The following EHBP1 variants were observed in gnomAD, a reference collection of about 807,000 sequenced individuals.
EHBP1 encodes EH domain-binding protein 1.
A neutral mutation model predicts 144.0 loss-of-function variants in EHBP1; 55 were observed. The ratio of observed to expected loss-of-function variants is 0.38; its 90% CI spans 0.31 to 0.48. EHBP1 has a LOEUF of 0.48. EHBP1 is among the 20% of genes least tolerant of loss of function. EHBP1 has a pLI of 0.98. For synonymous variants in EHBP1, 469 were observed against 472.7 expected (o/e 0.99, Z 0.10); for missense variants, 1,200 against 1,364.2 (o/e 0.88, Z 1.90).
At chr2:62,724,549 G>A (rs1174495526) in intron 2 of EHBP1, among the ~76,000 whole-genome samples, 1 of 152,154 alleles carries the variant, frequency 6.6e-6, no homozygotes, top group Non-Finnish European at 1.5e-5. Context: ...AGGCACTTTG[G>A]CTTTTTGAAT....
intron 1 of EHBP1, among the ~76,000 whole-genome samples, chr2:62,685,187 CA>C (rs1281900087): frequency 6.6e-6 from 1 of 151,868 alleles, no homozygotes; most frequent in South Asian, 2.1e-4. Context: ...TCTGTCATCA[CA>C]AAAAAGATAA....
chr2:62,819,649 A>G (rs1256480099), intron 5 of EHBP1, among the ~76,000 whole-genome samples: 2 of 151,874 alleles, frequency 1.3e-5, no homozygotes, highest in African/African-American at 4.8e-5. Flanking sequence ...CTGTAATCCC[A>G]GCTACTTGGG....
chr2:62,752,189 T>G (rs1323557444), intron 3 of EHBP1, among the ~76,000 whole-genome samples: 2 of 152,212 alleles, frequency 1.3e-5, no homozygotes, highest in Non-Finnish European at 2.9e-5. Flanking sequence ...TATGTGTTTG[T>G]TCTCATTGGT....
At chr2:62,708,077 C>T (rs186009159) in intron 2 of EHBP1, among the ~76,000 whole-genome samples, 197 of 152,182 alleles carry the variant, frequency 1.3e-3, no homozygotes, top group African/African-American at 4.7e-3. Context: ...AGTGATTAAG[C>T]AGTAATGGAC....
chr2:62,933,847 T>C (rs1353020428), intron 10 of EHBP1, among the ~76,000 whole-genome samples: 1 of 152,224 alleles, frequency 6.6e-6, no homozygotes, highest in African/African-American at 2.4e-5. Context: ...ATAAATGGAA[T>C]CATATGATAT....
chr2:62,820,170 C>T (rs1391830613), intron 5 of EHBP1, among the ~76,000 whole-genome samples: 1 of 136,684 alleles, frequency 7.3e-6, no homozygotes, highest in Non-Finnish European at 1.5e-5. Context: ...GAGATCGTGC[C>T]AATGCGCTCT....
At chr2:62,860,114 A>C (rs573941514) in intron 8 of EHBP1, among the ~76,000 whole-genome samples, 3 of 152,262 alleles carry the variant, frequency 2.0e-5, no homozygotes, top group African/African-American at 7.2e-5. Context: ...ACCAGACTCT[A>C]AATTATTAAT....
At chr2:63,040,204 C>T (rs571928534) in intron 21 of EHBP1, among the ~76,000 whole-genome samples, 1 of 150,690 alleles carries the variant, frequency 6.6e-6, no homozygotes, top group Non-Finnish European at 1.5e-5. Flanking sequence ...ACATATAACT[C>T]ATCATACAGT....
chr2:63,018,021 G>T (rs1265597407), intron 19 of EHBP1, among the ~76,000 whole-genome samples: 2 of 152,052 alleles, frequency 1.3e-5, no homozygotes, highest in South Asian at 2.1e-4. Context: ...AAATTTAGCT[G>T]GTTGTGGTGG....
At chr2:63,034,517 T>C (rs2061383090) in intron 19 of EHBP1, among the ~76,000 whole-genome samples, 1 of 152,042 alleles carries the variant, frequency 6.6e-6, no homozygotes, top group African/African-American at 2.4e-5. Flanking sequence ...ATAATGACAG[T>C]CTTCATTTTA....
intron 10 of EHBP1, among the ~76,000 whole-genome samples, chr2:62,875,566 G>C (rs1183222775): frequency 1.3e-5 from 2 of 152,118 alleles, no homozygotes; most frequent in African/African-American, 4.8e-5. Context: ...AAGAACAATG[G>C]CAACTCAAAA....
intron 3 of EHBP1, among the ~76,000 whole-genome samples, chr2:62,754,248 TGGAGGTCCACTCCA>T (rs1474958251): frequency 3.9e-5 from 6 of 152,220 alleles, no homozygotes; most frequent in Non-Finnish European, 8.8e-5. Flanking sequence ...TGGAGTTTGC[TGGAGGTCCACTCCA>T]GACCCTGTTG....
At chr2:62,741,366 G>A (rs1362043257) in intron 2 of EHBP1, among the ~76,000 whole-genome samples, 14 of 152,050 alleles carry the variant, frequency 9.2e-5, no homozygotes, top group Non-Finnish European at 2.1e-4. Flanking sequence ...CTGATAGTCA[G>A]TTTACTGTTC....
intron 14 of EHBP1, among the ~76,000 whole-genome samples, chr2:62,961,487 AT>A (rs1463281410): frequency 1.3e-5 from 2 of 152,144 alleles, no homozygotes; most frequent in African/African-American, 2.4e-5. Context: ...CAAAGGTTGA[AT>A]TTTACTAATG....
At chr2:62,903,582 G>A (rs550355932) in intron 10 of EHBP1, among the ~76,000 whole-genome samples, 2 of 152,260 alleles carry the variant, frequency 1.3e-5, no homozygotes, top group East Asian at 3.9e-4. Flanking sequence ...GGGCAACATA[G>A]TTAGACCCTG....
At chr2:62,719,996 A>G (rs1009559999) in intron 2 of EHBP1, among the ~76,000 whole-genome samples, 7 of 152,178 alleles carry the variant, frequency 4.6e-5, no homozygotes, top group Non-Finnish European at 7.3e-5. Flanking sequence ...GGCAGTTGCT[A>G]TGACAAAAAG....
Position 62,758,694 on chromosome 2 carries a change from A to C in EHBP1, c.163-5572A>C, listed in dbSNP as rs1015800754. ...CACAGAGAGGTTGGAGAATTCCAAA[A>C]AGAAACCATAACTTTAAAATCCTCA... On this transcript the variant is annotated intron_variant, in intron 3 of 22. Coordinates refer to ENST00000431489, the MANE Select transcript of EHBP1 (RefSeq NM_001142616.3). Among the ~76,000 whole-genome samples, 11 of 152,308 alleles carry C rather than the reference A, an allele frequency of 7.2e-5. No homozygotes were observed. In the South Asian group the frequency reaches 2.3e-3, roughly 32 times the overall value.
At chr2:62,858,621 T>C (rs1046847008) in intron 7 of EHBP1, 34 of 678,960 alleles carry the variant, frequency 5.0e-5, no homozygotes, top group Non-Finnish European at 8.5e-5. Context: ...TTTGTGCTTT[T>C]CCTTGAATGT....
intron 19 of EHBP1, among the ~76,000 whole-genome samples, chr2:63,011,469 TA>T (rs1279684786): frequency 6.6e-6 from 1 of 151,970 alleles, no homozygotes; most frequent in African/African-American, 2.4e-5. Flanking sequence ...ACTTTGACAG[TA>T]TTATAAATCC....
Sources: allele counts gnomAD v4.1 joint callset (sites outside exome capture counted in the v4.1 genomes callset), GRCh38; gene constraint gnomAD v4.1.1; transcripts MANE v1.5; gene names NCBI Gene and HGNC (gene_info 2026-07-23, HGNC 2026-07-21).